MPP3: variants seen among roughly 807,000 people sequenced by gnomAD.
The protein encoded by MPP3 is MAGUK p55 scaffold protein 3.
In MPP3, 48 loss-of-function variants were observed where a neutral mutation model predicts 80.7. That is an observed-to-expected ratio of 0.59 (90% CI 0.47 to 0.76). MPP3 has a LOEUF of 0.76. MPP3 is among the 30% of genes least tolerant of loss of function. The probability of loss-of-function intolerance (pLI) is 0.00; values close to 1 mark genes in which losing one functional copy is unlikely to be tolerated. For synonymous variants in MPP3, 311 were observed against 297.6 expected, an observed-to-expected ratio of 1.04 and a Z score of -0.46; for missense variants, 620 against 763.0, an observed-to-expected ratio of 0.81 and a Z score of 2.21.
chr17:43,820,603 A>ACACACACAC (rs1264169757), intron 11 of MPP3, among the ~76,000 whole-genome samples: 1 of 127,556 alleles, frequency 7.8e-6, no homozygotes, highest in African/African-American at 3.7e-5. Flanking sequence ...AAAAAAAAAA[A>ACACACACAC]ATACACACAC....
rs1567795644 is a variant in MPP3, at chr17:43,806,168, A to AT, written c.1581+2787dup. Among the ~76,000 whole-genome samples the AT allele has an allele frequency of 2.0e-4, 28 of 137,250 alleles. No homozygotes were observed. In the East Asian group the frequency reaches 2.6e-3, roughly 13 times the overall value. The allele number at this position is 137,250 out of a possible 152,430, so 90.0% of individuals were successfully genotyped here. On this transcript the variant is annotated intron_variant, in intron 19 of 19. Transcript: ENST00000398389. ...CACATGGCTTTTATTTATTTATTTA[A>AT]TTAATTTATTTTTTTGAGACAGAGT...
rs1366238484 is a variant in MPP3 at position 43,831,336 on chromosome 17, T to C, written c.145-15A>G. 2 of 1,612,470 alleles carry C rather than the reference T, an allele frequency of 1.2e-6. No homozygotes were observed. The highest frequency in any genetic ancestry group is 4.5e-5 in the East Asian group (2 of 44,856). On this transcript the variant is annotated splice_polypyrimidine_tract_variant and intron_variant, in intron 4 of 19. Coordinates refer to ENST00000398389, the MANE Select transcript of MPP3 (RefSeq NM_001932.6). ...TTCTCATGAATCTGCAAAGACAGAG[T>C]ATTTCAGATGCACCCTGGACACCAC...
At chr17:43,828,688 T>C (rs1425014287) in intron 7 of MPP3, among the ~76,000 whole-genome samples, 1 of 152,228 alleles carries the variant, frequency 6.6e-6, no homozygotes, top group Non-Finnish European at 1.5e-5. Context: ...ATTGTTAACA[T>C]CATCTGTGCC....
At chr17:43,802,788 G>A (rs2044464651) in intron 19 of MPP3, among the ~76,000 whole-genome samples, 1 of 152,090 alleles carries the variant, frequency 6.6e-6, no homozygotes, top group South Asian at 2.1e-4. Context: ...GCTTCTAGGG[G>A]CTCAGTGTTT....
intron 19 of MPP3, among the ~76,000 whole-genome samples, chr17:43,802,926 C>A (rs1275750602): frequency 1.3e-5 from 2 of 152,100 alleles, no homozygotes; most frequent in African/African-American, 4.8e-5. Context: ...TCTGAAATTT[C>A]AGGATTCGAG....
chr17:43,811,523 A>G, intron 16 of MPP3: 1 of 306,240 alleles, frequency 3.3e-6, no homozygotes, highest in Non-Finnish European at 6.1e-6. Flanking sequence ...TCTCTCTGCC[A>G]AATGCCCAGC....
chr17:43,818,204 G>A, intron 11 of MPP3, 94 bp from the exon 12 acceptor site: 1 of 1,150,924 alleles, frequency 8.7e-7, no homozygotes, highest in East Asian at 3.0e-5. Flanking sequence ...CCAAGGCCTG[G>A]ATCCCACAGG....
At chr17:43,818,295 GCTCAC>G (rs1567811607) in intron 11 of MPP3, among the ~76,000 whole-genome samples, 185 bp from the exon 12 acceptor site, 1 of 152,202 alleles carries the variant, frequency 6.6e-6, no homozygotes, top group Non-Finnish European at 1.5e-5. Flanking sequence ...GGGCTCACTG[GCTCAC>G]CAGGAGGAAG....
intron 7 of MPP3, among the ~76,000 whole-genome samples, chr17:43,828,044 A>G (rs906499063): frequency 2.6e-5 from 4 of 152,212 alleles, no homozygotes; most frequent in Non-Finnish European, 4.4e-5. Context: ...ATAATGCTGC[A>G]ACATTTTAGA....
intron 8 of MPP3, among the ~76,000 whole-genome samples, chr17:43,827,283 T>A (rs2045749001): frequency 6.6e-6 from 1 of 151,246 alleles, no homozygotes; most frequent in African/African-American, 2.4e-5. Context: ...CCCAAAATGC[T>A]GGGATTACAG....
rs371170767 is a variant in MPP3, at chr17:43,809,651, G to A, written c.1459-573C>T. Among the ~76,000 whole-genome samples, 15 of 152,264 alleles carry A rather than the reference G, an allele frequency of 9.9e-5. No homozygotes were observed. The East Asian group carries it at 1.3e-3, about 14-fold the overall frequency. ...TCCCAGCACTTTGGGAGGCCGAGCC[G>A]GGTGGATCACGAGGTCAGGAGATCA... On this transcript the variant is annotated intron_variant, in intron 18 of 19. Coordinates refer to ENST00000398389, the MANE Select transcript of MPP3 (RefSeq NM_001932.6).
At chr17:43,808,885 T>A (rs2044728854) in intron 19 of MPP3, 71 bp downstream of exon 19, 24 of 1,523,134 alleles carry the variant, frequency 1.6e-5, no homozygotes, top group Non-Finnish European at 2.1e-5. Context: ...AGCACCCTTA[T>A]GCAGCTAGAA....
chr17:43,816,707 G>C lies in MPP3; in HGVS notation c.947-10C>G. On this transcript the variant is annotated splice_polypyrimidine_tract_variant and intron_variant, in intron 12 of 19. Coordinates refer to ENST00000398389, the MANE Select transcript of MPP3 (RefSeq NM_001932.6). Reference sequence around the variant, plus strand: ...TCACAAGGCTGATCATCTGCGGTTTGCACAAAAGACAGATGGAACAGCATT... The same window carrying C: ...TCACAAGGCTGATCATCTGCGGTTTCCACAAAAGACAGATGGAACAGCATT... The C allele has an allele frequency of 6.4e-7, 1 of 1,574,464 alleles. No homozygotes were observed. Among genetic ancestry groups the C allele is most frequent in the South Asian group, 1.2e-5 (1 of 85,448 alleles).
rs200904534 is a variant in MPP3 at position 43,817,996 on chromosome 17, G to A, written c.946+50C>T. 442 of 1,492,824 alleles carry A rather than the reference G, an allele frequency of 3.0e-4. No homozygotes were observed. In the African/African-American group the frequency reaches 5.7e-3, roughly 19 times the overall value. 92.5% of individuals were successfully genotyped at this position (1,492,824 alleles called of 1,614,324 possible). A position where few individuals can be genotyped will look rare whatever the true frequency, so the allele number is the denominator to read the frequency against. The stretch of plus-strand genomic sequence containing the variant: ...TTCTTCCCAGCCTGAATCCTCCCTC[G>A]CCCTAACCCCGGGCCCTCCCTGGAG... On this transcript the variant is annotated intron_variant, in intron 12 of 19. Transcript: ENST00000398389.
chr17:43,818,038 C>G lies in MPP3; in HGVS notation c.946+8G>C. The G allele has an allele frequency of 6.3e-7, 1 of 1,580,566 alleles. No individual in the cohort carries two copies. The highest frequency in any genetic ancestry group is 8.6e-7 in the Non-Finnish European group (1 of 1,163,228). On this transcript the variant is annotated splice_region_variant and intron_variant, in intron 12 of 19. Transcript: ENST00000398389. ...TCCCTGGAGTGCCATCCCTGACAAT[C>G]TACTCACAGGGGGGCTTCCTGAGGC...
chr17:43,816,353 T>C (rs985809645), intron 13 of MPP3, among the ~76,000 whole-genome samples: 2 of 152,154 alleles, frequency 1.3e-5, no homozygotes, highest in Non-Finnish European at 2.9e-5. Context: ...GCAGTGTGAA[T>C]AGGGAGGGAT....
intron 19 of MPP3, among the ~76,000 whole-genome samples, chr17:43,805,987 GAAAAC>G (rs2044596601): frequency 6.6e-6 from 1 of 152,104 alleles, no homozygotes; most frequent in Admixed American, 6.5e-5. Flanking sequence ...AAAACACACA[GAAAAC>G]AAAACAAAAT....
In MPP3 at chr17:43,829,659, G is replaced by T. The variant is rs1364577150; in HGVS notation, c.436C>A (p.Pro146Thr). ...GGGCAGGCAGCAGCACCTACCAGGG[G>T]TTCCTTGTTCTTCACCAAGCGGACG... ...KIVRLVKNKE[P>T]LGATIRRDEH... Residue 146 changes from proline to threonine, a missense_variant, in exon 7 of 20, where the codon CCC becomes ACC. Physicochemically the swap from Pro to Thr is conservative, Grantham distance 38. Coordinates refer to ENST00000398389, the MANE Select transcript of MPP3 (RefSeq NM_001932.6). 6.2e-7 allele frequency: 1 copy of T among 1,613,794 alleles called. No individual in the cohort carries two copies. Among genetic ancestry groups the T allele is most frequent in the Non-Finnish European group, 8.5e-7 (1 of 1,179,974 alleles).
Position 43,825,836 on chromosome 17 carries a change from C to G in MPP3, c.529G>C (p.Val177Leu). The G allele has an allele frequency of 6.2e-7, 1 of 1,606,574 alleles. No homozygotes were observed. Among genetic ancestry groups the G allele is most frequent in the Non-Finnish European group, 8.5e-7 (1 of 1,173,172 alleles). The change falls in exon 9 of 20, where the codon GTC (valine) becomes CTC (leucine). Residue 177 changes from valine to leucine, a missense_variant. By Grantham distance (32) the Val-to-Leu change is conservative (BLOSUM62 1). Transcript: ENST00000398389. ...TCTCGGAGCTCATCTCCAACGTGGA[C>G]CAGGCCTAGGAGACACAGGGACTGA... ...RGGAADRSGL[V>L]HVGDELREVN...
Sources: gnomAD v4.1 joint callset for allele counts (sites outside exome capture counted in the v4.1 genomes callset) on GRCh38, gnomAD v4.1.1 for gene constraint, MANE v1.5 for transcripts, NCBI Gene and HGNC (gene_info 2026-07-23, HGNC 2026-07-21) for gene names.